Variants in NBEAL1 observed in about 807,000 individuals in gnomAD.
The protein encoded by NBEAL1 is neurobeachin-like protein 1.
In NBEAL1, 273 loss-of-function variants were observed where a neutral mutation model predicts 351.3. The observed-to-expected ratio is 0.78, with a 90% CI of 0.70 to 0.86. The LOEUF (loss-of-function observed/expected upper bound fraction) is 0.86, where lower values mean the gene tolerates loss of function less well. Among genes scored for constraint, NBEAL1 ranks in the 40% least tolerant of loss-of-function variants. The pLI is 0.00. For synonymous variants in NBEAL1, 1,050 were observed against 1,086.4 expected (o/e 0.97, Z 0.66); for missense variants, 2,961 against 3,201.3 (o/e 0.92, Z 1.81).
intron 14 of NBEAL1, among the ~76,000 whole-genome samples, chr2:203,109,471 A>G (rs941027192): frequency 2.0e-5 from 3 of 152,270 alleles, no homozygotes; most frequent in Middle Eastern, 3.4e-3. Flanking sequence ...CAGAAGACCT[A>G]TGTGTCTGTA....
intron 2 of NBEAL1, among the ~76,000 whole-genome samples, chr2:203,020,273 T>C (rs1332564984): frequency 1.3e-5 from 2 of 152,246 alleles, no homozygotes; most frequent in South Asian, 2.1e-4. Flanking sequence ...GGTTACTTTG[T>C]AAACCTTATG....
rs535094143 is a variant in NBEAL1 at position 203,132,002 on chromosome 2, C to T, written c.3594C>T (p.Asn1198=). ...TGGAACAAATGTTGAAATGCACGAA[C>T]GTTTATGAGCGTAGTAAACAACATA... ...KIMEQMLKCT[N]VYERSKQHIR... Residue 1198 remains asparagine (N), a synonymous_variant, in exon 26 of 56, where the codon AAC becomes AAT. Coordinates refer to ENST00000683969, the MANE Select transcript of NBEAL1 (RefSeq NM_001378026.1). The T allele has an allele frequency of 4.5e-6, 7 of 1,548,066 alleles. No homozygotes were observed. The highest frequency in any genetic ancestry group is 4.8e-5 in the East Asian group (2 of 41,340).
intron 41 of NBEAL1, 44 bp from the exon 42 acceptor site, chr2:203,175,103 C>T: frequency 4.6e-6 from 7 of 1,533,888 alleles, no homozygotes; most frequent in Non-Finnish European, 5.4e-6. Flanking sequence ...CCCTTATGTA[C>T]TTTATTATTG....
intron 3 of NBEAL1, among the ~76,000 whole-genome samples, chr2:203,048,237 G>A (rs2061262803): frequency 6.6e-6 from 1 of 151,738 alleles, no homozygotes; most frequent in Non-Finnish European, 1.5e-5. Context: ...CAAAAATTAG[G>A]TGGGTGTGGT....
Position 203,116,627 on chromosome 2 carries a change from C to CAAAA in NBEAL1, c.2592+568_2592+571dup, listed in dbSNP as rs3053110. On this transcript the variant is annotated intron_variant, in intron 18 of 55. Transcript: ENST00000683969. The stretch of plus-strand genomic sequence containing the variant: ...TCTCTATAAAACTTATGAAAAATGC[C>CAAAA]AAAAAAAAAAAAAATAGCCAGTTTT... Among the ~76,000 whole-genome samples, 439 of 136,962 alleles carry CAAAA rather than the reference C, an allele frequency of 3.2e-3. 1 individual carries two copies. Among genetic ancestry groups the CAAAA allele is most frequent in the East Asian group, 0.013 (62 of 4,750 alleles). 89.9% of individuals were successfully genotyped at this position (136,962 alleles called of 152,430 possible). A position where few individuals can be genotyped will look rare whatever the true frequency, so the allele number is the denominator to read the frequency against.
intron 18 of NBEAL1, among the ~76,000 whole-genome samples, chr2:203,117,350 C>CT (rs1320477505): frequency 6.6e-6 from 1 of 152,014 alleles, no homozygotes; most frequent in African/African-American, 2.4e-5. Context: ...GTAGTCCCAG[C>CT]TACTCTGGAG....
At chr2:203,118,162 G>C (rs2062742540) in intron 18 of NBEAL1, among the ~76,000 whole-genome samples, 2 of 152,030 alleles carry the variant, frequency 1.3e-5, no homozygotes, top group African/African-American at 4.8e-5. Context: ...ATGTTTTACT[G>C]TACTTGCTGA....
intron 24 of NBEAL1, among the ~76,000 whole-genome samples, chr2:203,128,789 G>A (rs149215222): frequency 0.092 from 13,994 of 151,664 alleles, 762 homozygotes; most frequent in Non-Finnish European, 0.13. Flanking sequence ...GTAGAGATGG[G>A]GTTTCACCAT....
chr2:203,040,091 C>A, intron 2 of NBEAL1: 1 of 835,494 alleles, frequency 1.2e-6, no homozygotes, highest in Non-Finnish European at 2.0e-6. Context: ...CATGATCAGT[C>A]CTTCAACACT....
At chr2:203,113,976 C>T (rs1235226413) in intron 17 of NBEAL1, among the ~76,000 whole-genome samples, 1 of 152,044 alleles carries the variant, frequency 6.6e-6, no homozygotes, top group Non-Finnish European at 1.5e-5. Flanking sequence ...CACCCGCCAC[C>T]ATGCCGGGCT....
Position 203,126,075 on chromosome 2 carries a change from T to C in NBEAL1, c.2967T>C (p.Leu989=). Residue 989 remains leucine, a synonymous_variant, in exon 21 of 56, where the codon CTT becomes CTC. Transcript: ENST00000683969. ...NLIHSHGVAT[L]GALLQKVPST... ...TTCACTCCCATGGAGTTGCAACTCT[T>C]GGTGCTTTACTTCAGAAGGTGAGCC... 3 of 1,544,518 alleles carry C rather than the reference T, an allele frequency of 1.9e-6. No individual in the cohort carries two copies. The highest frequency in any genetic ancestry group is 2.6e-6 in the Non-Finnish European group (3 of 1,144,506).
At chr2:203,063,847 T>TGATA (rs983934510) in intron 6 of NBEAL1, among the ~76,000 whole-genome samples, 1 of 151,942 alleles carries the variant, frequency 6.6e-6, no homozygotes, top group African/African-American at 2.4e-5. Flanking sequence ...TTCATACCAG[T>TGATA]GATAGATAGA....
chr2:203,119,424 C>CTT (rs57126638), intron 18 of NBEAL1, among the ~76,000 whole-genome samples: 2,873 of 66,542 alleles, frequency 0.043, 598 homozygotes, highest in African/African-American at 0.16. Context: ...CGGCCTGTTG[C>CTT]TTTTTTTTTT....
chr2:203,174,080 C>A (rs189268084), intron 41 of NBEAL1, among the ~76,000 whole-genome samples: 1 of 150,524 alleles, frequency 6.6e-6, no homozygotes, highest in Non-Finnish European at 1.5e-5. Flanking sequence ...TTTTTCCTAT[C>A]CACCATCTCT....
chr2:203,214,656 T>G (rs906588449), intron 55 of NBEAL1, among the ~76,000 whole-genome samples: 1 of 152,108 alleles, frequency 6.6e-6, no homozygotes, highest in Admixed American at 6.5e-5. Context: ...ATGCCAGTAA[T>G]CCCAGCTACT....
intron 7 of NBEAL1, among the ~76,000 whole-genome samples, chr2:203,075,827 C>T (rs980000942): frequency 8.5e-5 from 13 of 152,166 alleles, no homozygotes; most frequent in African/African-American, 2.9e-4. Flanking sequence ...GTTCTGTGAC[C>T]CAGTTTCTGG....
chr2:203,122,227 T>G, intron 18 of NBEAL1, 27 bp from the exon 19 acceptor site: 4 of 1,300,358 alleles, frequency 3.1e-6, no homozygotes, highest in Non-Finnish European at 4.3e-6. Context: ...TAATTGGTTG[T>G]TTGCCATATT....
At chr2:203,126,440 A>G (rs1559384690) in intron 21 of NBEAL1, 117 bp from the exon 22 acceptor site, 2 of 821,252 alleles carry the variant, frequency 2.4e-6, no homozygotes, top group Admixed American at 7.6e-5. Context: ...TTATTTTTCT[A>G]ATGTGGGTTT....
At chr2:203,131,247 G>A (rs1345850308) in intron 25 of NBEAL1, among the ~76,000 whole-genome samples, 7 of 152,054 alleles carry the variant, frequency 4.6e-5, no homozygotes, top group East Asian at 1.9e-4. Flanking sequence ...ACGGAGTCTC[G>A]CTCTGTCGCC....
Sources: gnomAD v4.1 joint callset for allele counts (sites outside exome capture counted in the v4.1 genomes callset) on GRCh38, gnomAD v4.1.1 for gene constraint, MANE v1.5 for transcripts, NCBI Gene and HGNC (gene_info 2026-07-23, HGNC 2026-07-21) for gene names.